The following GPD1L variants were observed in gnomAD, a reference collection of about 807,000 sequenced individuals.
The protein encoded by GPD1L is glycerol-3-phosphate dehydrogenase 1-like protein.
Under a neutral mutation model 32.9 loss-of-function variants are expected in GPD1L, and 17 were observed. The ratio of observed to expected loss-of-function variants is 0.52; its 90% CI spans 0.35 to 0.78. The LOEUF is 0.78. GPD1L is among the 30% of genes least tolerant of loss of function. The pLI, the probability that GPD1L is intolerant of heterozygous loss-of-function variation, is 0.01. For missense variants in GPD1L, 361 were observed against 447.8 expected (o/e 0.81, Z 1.75); for synonymous variants, 187 against 165.9 (o/e 1.13, Z -0.98).
chr3:32,152,455 C>G (rs927386339), intron 5 of GPD1L, among the ~76,000 whole-genome samples: 4 of 152,010 alleles, frequency 2.6e-5, no homozygotes, highest in Non-Finnish European at 4.4e-5. Context: ...GTATCGGGCA[C>G]CAGCAGTTCT....
At chr3:32,158,732 A>G in intron 5 of GPD1L, 144 bp from the exon 6 acceptor site, 2 of 1,520,358 alleles carry the variant, frequency 1.3e-6, no homozygotes, top group Non-Finnish European at 8.8e-7. Context: ...CCAGGTGTAC[A>G]AGAGCAGAGC....
intron 5 of GPD1L, among the ~76,000 whole-genome samples, chr3:32,147,219 GAGA>G (rs1292235099): frequency 6.6e-6 from 1 of 152,300 alleles, no homozygotes; most frequent in Non-Finnish European, 1.5e-5. Flanking sequence ...CCTCAAGAGA[GAGA>G]AGATGTGATT....
At chr3:32,155,878 T>C (rs1257429564) in intron 5 of GPD1L, among the ~76,000 whole-genome samples, 2 of 152,198 alleles carry the variant, frequency 1.3e-5, no homozygotes, top group Non-Finnish European at 2.9e-5. Context: ...ACTGTGACAA[T>C]GTAGAGGCTC....
rs372201783 is a variant in GPD1L at position 32,128,063 on chromosome 3, A to G, written c.48-13A>G. 36 of 1,597,012 alleles carry G rather than the reference A, an allele frequency of 2.3e-5. No individual in the cohort carries two copies. In the African/African-American group the frequency reaches 4.2e-4, roughly 18 times the overall value. On this transcript the variant is annotated splice_polypyrimidine_tract_variant and intron_variant, in intron 1 of 7. Transcript: ENST00000282541. ...TGAGTTTATGTTTTTCTTTTCCACG[A>G]TTTCTTTTGTAGGGGTTCAGCTGTT... is the stretch of plus-strand genomic sequence containing the variant.
At chr3:32,122,378 A>T (rs1222794799) in intron 1 of GPD1L, among the ~76,000 whole-genome samples, 1 of 152,168 alleles carries the variant, frequency 6.6e-6, no homozygotes, top group Non-Finnish European at 1.5e-5. Flanking sequence ...CAATTTCATC[A>T]TCTGTAAAAT....
In GPD1L at chr3:32,106,681, C is replaced by T; in HGVS notation, c.-31C>T. On this transcript the variant is annotated 5_prime_UTR_variant, in exon 1 of 8. Coordinates refer to ENST00000282541, the MANE Select transcript of GPD1L (RefSeq NM_015141.4). This position sits in a 1 kb window ranked among gnomAD's most constrained non-coding sequence, Gnocchi z 4.0. The stretch of plus-strand genomic sequence containing the variant: ...GGAGGTGGGCAGCCGGCCAGGGAAG[C>T]ACGGTCCAGGCGGCTACATTCGGCC... 1 of 1,517,324 alleles carries T rather than the reference C, an allele frequency of 6.6e-7. No individual in the cohort carries two copies. The highest frequency in any genetic ancestry group is 2.7e-5 in the East Asian group (1 of 36,820). The allele number at this position is 1,517,324 out of a possible 1,614,324, so 94.0% of individuals were successfully genotyped here. A position where few individuals can be genotyped will look rare whatever the true frequency, so the allele number is the denominator to read the frequency against.
intron 2 of GPD1L, among the ~76,000 whole-genome samples, chr3:32,132,359 C>A (rs1700597763): frequency 6.6e-6 from 1 of 152,116 alleles, no homozygotes; most frequent in Non-Finnish European, 1.5e-5. Flanking sequence ...TGAGGAAGAA[C>A]AAACCAGGAT....
At chr3:32,157,371 T>A (rs921268746) in intron 5 of GPD1L, among the ~76,000 whole-genome samples, 1 of 152,058 alleles carries the variant, frequency 6.6e-6, no homozygotes, top group Non-Finnish European at 1.5e-5. Flanking sequence ...TTTGATGTGC[T>A]TTGTTGTGTC....
chr3:32,107,740 A>G (rs1407021690), intron 1 of GPD1L, among the ~76,000 whole-genome samples: 3 of 152,190 alleles, frequency 2.0e-5, no homozygotes, highest in Admixed American at 6.5e-5. Flanking sequence ...CTTGGCCCAG[A>G]AAGTACTTAT....
chr3:32,119,395 A>C (rs1373513159), intron 1 of GPD1L, among the ~76,000 whole-genome samples: 1 of 152,222 alleles, frequency 6.6e-6, no homozygotes, highest in East Asian at 1.9e-4. Flanking sequence ...TGTTAAATGT[A>C]ACATTCTATC....
chr3:32,164,072 C>T (rs988752277), intron 7 of GPD1L, among the ~76,000 whole-genome samples: 1 of 152,134 alleles, frequency 6.6e-6, no homozygotes, highest in Non-Finnish European at 1.5e-5. Flanking sequence ...CCTCGAGAAA[C>T]CTTCAGCAGA....
At chr3:32,140,477 A>G (rs1023872415) in intron 4 of GPD1L, 111 bp downstream of exon 4, 7 of 1,295,230 alleles carry the variant, frequency 5.4e-6, no homozygotes, top group South Asian at 2.4e-5. Flanking sequence ...CCCTCTTAAC[A>G]TTCCTTAGTT....
Position 32,167,658 on chromosome 3 carries a change from C to T in GPD1L, c.*1748C>T, listed in dbSNP as rs113069721. The T allele has an allele frequency of 2.8e-4, 42 of 152,678 alleles. No homozygotes were observed. The highest frequency in any genetic ancestry group is 3.4e-3 in the Middle Eastern group (1 of 294). The allele number at this position is 152,678 out of a possible 1,614,324, so 9.5% of individuals were successfully genotyped here. On this transcript the variant is annotated 3_prime_UTR_variant, in exon 8 of 8. Coordinates refer to ENST00000282541, the MANE Select transcript of GPD1L (RefSeq NM_015141.4). ...CAGTTACCTTACATAGCACTTGATACGTGTTAAATGAACATATGAATGTAA... is the reference window on the plus strand; with the variant it reads ...CAGTTACCTTACATAGCACTTGATATGTGTTAAATGAACATATGAATGTAA...
At position 32,146,720 on chromosome 3, in the gene GPD1L, TG is replaced by T. The variant is rs1700832351; in HGVS notation, c.605del (p.Cys202LeufsTer8). ...TGATGATGCAGACACTGTTGAACTC[TG>T]TGGTGCGCTTAAGGTAAAGTCAGCC... is the stretch of plus-strand genomic sequence containing the variant. ...VVDDADTVEL[C>X]GALKNIVAVG... On this transcript the variant is annotated frameshift_variant, in exon 5 of 8. Transcript: ENST00000282541. LOFTEE classifies it high-confidence loss of function. The T allele has an allele frequency of 6.2e-7, 1 of 1,604,114 alleles. No homozygotes were observed. Among genetic ancestry groups the T allele is most frequent in the Non-Finnish European group, 8.5e-7 (1 of 1,171,056 alleles).
chr3:32,159,428 C>G, intron 6 of GPD1L, 140 bp from the exon 7 acceptor site: 1 of 669,882 alleles, frequency 1.5e-6, no homozygotes, highest in Admixed American at 2.9e-5. Context: ...GCCGCAAGTT[C>G]GAGGCCAGCC....
At chr3:32,158,679 G>A in intron 5 of GPD1L, 197 bp from the exon 6 acceptor site, 1 of 1,232,438 alleles carries the variant, frequency 8.1e-7, no homozygotes, top group East Asian at 2.6e-5. Context: ...TCCTAGAAAG[G>A]GGAATATGGA....
chr3:32,144,139 T>C (rs567485903), intron 4 of GPD1L, among the ~76,000 whole-genome samples: 8 of 152,358 alleles, frequency 5.3e-5, no homozygotes, highest in African/African-American at 1.7e-4. Flanking sequence ...ATTTTCTGTA[T>C]TTGATCATTG....
chr3:32,152,821 T>A (rs1700937863), intron 5 of GPD1L, among the ~76,000 whole-genome samples: 1 of 144,560 alleles, frequency 6.9e-6, no homozygotes. Context: ...AGCAGCGAGG[T>A]TAAAAAAAGA....
intron 1 of GPD1L, among the ~76,000 whole-genome samples, chr3:32,112,055 G>A (rs1699410328): frequency 1.3e-5 from 2 of 152,192 alleles, no homozygotes; most frequent in Non-Finnish European, 2.9e-5. Flanking sequence ...TTGATAGGAT[G>A]GACTGGAGAT....
Sources: allele counts gnomAD v4.1 joint callset (sites outside exome capture counted in the v4.1 genomes callset), GRCh38; gene constraint gnomAD v4.1.1; non-coding constraint Gnocchi (gnomAD v3.1); transcripts MANE v1.5; gene names NCBI Gene and HGNC (gene_info 2026-07-23, HGNC 2026-07-21).